The following DMRT1 variants were observed in gnomAD, a reference collection of about 807,000 sequenced individuals.
The protein encoded by DMRT1 is doublesex- and mab-3-related transcription factor 1.
Under a neutral mutation model 32.3 loss-of-function variants are expected in DMRT1, and 7 were observed. The ratio of observed to expected loss-of-function variants is 0.22; its 90% confidence interval spans 0.12 to 0.41. The LOEUF is 0.41. Among genes scored for constraint, DMRT1 ranks in the 10% least tolerant of loss-of-function variants. The pLI is 1.00. For synonymous variants in DMRT1, 278 were observed against 206.1 expected, an observed-to-expected ratio of 1.35 and a Z score of -2.99; for missense variants, 625 against 500.5, an observed-to-expected ratio of 1.25 and a Z score of -2.37.
intron 2 of DMRT1, among the ~76,000 whole-genome samples, chr9:884,697 G>A (rs938436280): frequency 2.0e-5 from 3 of 152,154 alleles, no homozygotes; most frequent in Non-Finnish European, 2.9e-5. Context: ...CTGGCCAGGT[G>A]CGGTGGCTCA....
At chr9:890,898 T>A (rs1303147389) in intron 2 of DMRT1, among the ~76,000 whole-genome samples, 1 of 150,830 alleles carries the variant, frequency 6.6e-6, no homozygotes, top group African/African-American at 2.5e-5. Context: ...TTTTTTTTTG[T>A]ATTTTTTTTT....
rs559399856 is a variant in DMRT1, at chr9:863,295, G to A, written c.538+16152G>A. On this transcript the variant is annotated intron_variant, in intron 2 of 4. Coordinates refer to ENST00000382276, the MANE Select transcript of DMRT1 (RefSeq NM_021951.3). ...ATCATGCCACTGCATTTCAGCCTGG[G>A]TGACAGAGTGAGGCCACGTCTCTTA... 4.7e-5 allele frequency among the ~76,000 whole-genome samples: 7 copies of A among 149,128 alleles called. No homozygotes were observed. The Admixed American group carries it at 4.8e-4, about 10-fold the overall frequency.
At chr9:951,845 C>A (rs560825337) in intron 4 of DMRT1, among the ~76,000 whole-genome samples, 5 of 152,256 alleles carry the variant, frequency 3.3e-5, no homozygotes, top group African/African-American at 1.2e-4. Context: ...AAAATGGCAC[C>A]TTCTTCTGAT....
chr9:917,045 T>C, intron 4 of DMRT1, 138 bp downstream of exon 4: 2 of 947,396 alleles, frequency 2.1e-6, no homozygotes, highest in Non-Finnish European at 3.4e-6. Flanking sequence ...TGGATAAGTA[T>C]CCTTTAAAGA....
chr9:890,251 C>A (rs1255911502), intron 2 of DMRT1, among the ~76,000 whole-genome samples: 3 of 151,966 alleles, frequency 2.0e-5, no homozygotes, highest in Admixed American at 1.3e-4. Flanking sequence ...CCGGCCCAAA[C>A]TGATGTTTAA....
chr9:959,663 G>C (rs1238750645), intron 4 of DMRT1, among the ~76,000 whole-genome samples: 1 of 152,162 alleles, frequency 6.6e-6, no homozygotes, highest in East Asian at 1.9e-4. Flanking sequence ...GAGTAGCTGG[G>C]ATTACAGGCA....
At chr9:899,331 T>G (rs1817486373) in intron 3 of DMRT1, among the ~76,000 whole-genome samples, 1 of 152,194 alleles carries the variant, frequency 6.6e-6, no homozygotes, top group African/African-American at 2.4e-5. Flanking sequence ...GGTTTCGAAT[T>G]TTTATTGTAC....
intron 2 of DMRT1, among the ~76,000 whole-genome samples, chr9:863,047 G>C (rs1442680039): frequency 6.6e-6 from 1 of 150,540 alleles, no homozygotes; most frequent in Non-Finnish European, 1.5e-5. Context: ...GGGTGTGGTA[G>C]CTCATGCCTC....
At chr9:842,410 T>C (rs1430283255) in intron 1 of DMRT1, 5 of 624,420 alleles carry the variant, frequency 8.0e-6, no homozygotes, top group Non-Finnish European at 1.4e-5. Flanking sequence ...AATTTTTGTA[T>C]TTTTAGTAGA....
chr9:909,282 G>T (rs567616698), intron 3 of DMRT1, among the ~76,000 whole-genome samples: 2 of 152,168 alleles, frequency 1.3e-5, no homozygotes, highest in East Asian at 1.9e-4. Context: ...TCTGAAATGT[G>T]TGCATAATAG....
intron 2 of DMRT1, among the ~76,000 whole-genome samples, chr9:855,743 A>G (rs776981296): frequency 1.4e-4 from 22 of 152,068 alleles, no homozygotes; most frequent in Non-Finnish European, 2.9e-4. Context: ...TTCAGTCCCC[A>G]AGTACCTTGG....
chr9:901,895 G>C (rs1817593473), intron 3 of DMRT1, among the ~76,000 whole-genome samples: 1 of 145,996 alleles, frequency 6.8e-6, no homozygotes, highest in Non-Finnish European at 1.5e-5. Flanking sequence ...CACACCATCA[G>C]CAAGTGAAAC....
At chr9:874,019 G>A (rs1816389168) in intron 2 of DMRT1, among the ~76,000 whole-genome samples, 1 of 152,176 alleles carries the variant, frequency 6.6e-6, no homozygotes, top group Non-Finnish European at 1.5e-5. Context: ...TGGTGACCAT[G>A]TATTTTGTAT....
At chr9:873,479 G>A (rs550194375) in intron 2 of DMRT1, among the ~76,000 whole-genome samples, 137 of 150,370 alleles carry the variant, frequency 9.1e-4, no homozygotes, top group Non-Finnish European at 1.5e-3. Context: ...CTAATTTTTT[G>A]TATTTTCTTT....
intron 3 of DMRT1, among the ~76,000 whole-genome samples, chr9:902,401 T>C (rs901490005): frequency 6.6e-6 from 1 of 151,782 alleles, no homozygotes; most frequent in African/African-American, 2.4e-5. Context: ...GTGAAGTTCT[T>C]TAGGGGCTTC....
Position 938,376 on chromosome 9 carries a change from CT to C in DMRT1, c.967+21471del, listed in dbSNP as rs537550829. 6.0e-4 allele frequency among the ~76,000 whole-genome samples: 92 copies of C among 152,274 alleles called. No homozygotes were observed. In the South Asian group the frequency reaches 0.018, roughly 29 times the overall value. ...AGATTGTTTTGGGTACTATTGTCAT[CT>C]TAACAATATTAAGTCTTCCAGTCCA... On this transcript the variant is annotated intron_variant, in intron 4 of 4. Transcript: ENST00000382276.
intron 2 of DMRT1, among the ~76,000 whole-genome samples, chr9:883,940 C>T (rs1816829570): frequency 6.6e-6 from 1 of 152,036 alleles, no homozygotes; most frequent in African/African-American, 2.4e-5. Flanking sequence ...AACTCAGAAG[C>T]TAAGTAGGAC....
chr9:899,856 C>T (rs978590375), intron 3 of DMRT1, among the ~76,000 whole-genome samples: 1 of 152,232 alleles, frequency 6.6e-6, no homozygotes, highest in African/African-American at 2.4e-5. Flanking sequence ...CTCTTGACTG[C>T]TTTTCCAAAG....
intron 3 of DMRT1, among the ~76,000 whole-genome samples, chr9:914,647 A>ACAC (rs1353728737): frequency 1.3e-5 from 2 of 151,864 alleles, no homozygotes; most frequent in African/African-American, 4.8e-5. Context: ...CCTAGAAGAG[A>ACAC]CACCATTTCA....
Sources: allele counts gnomAD v4.1 joint callset (sites outside exome capture counted in the v4.1 genomes callset), GRCh38; gene constraint gnomAD v4.1.1; transcripts MANE v1.5; gene names NCBI Gene and HGNC (gene_info 2026-07-23, HGNC 2026-07-21).